The following PHAF1 variants were observed in gnomAD, a reference collection of about 807,000 sequenced individuals.
PHAF1 encodes the protein phagosome assembly factor 1.
A neutral mutation model predicts 63.1 loss-of-function variants in PHAF1; 23 were observed. The ratio of observed to expected loss-of-function variants is 0.36; its 90% CI spans 0.26 to 0.52. The LOEUF is 0.52. Among genes scored for constraint, PHAF1 ranks in the 20% least tolerant of loss-of-function variants. The pLI is 0.93. For missense variants in PHAF1, 427 were observed against 517.2 expected, an observed-to-expected ratio of 0.83 and a Z score of 1.69; for synonymous variants, 167 against 185.0, an observed-to-expected ratio of 0.90 and a Z score of 0.79.
At chr16:67,145,537 A>G (rs1363801654) in intron 13 of PHAF1, 33 bp from the exon 14 acceptor site, 7 of 1,613,736 alleles carry the variant, frequency 4.3e-6, no homozygotes, top group South Asian at 1.1e-5. Context: ...TCATGTCCCT[A>G]CTAACCCCTG....
intron 14 of PHAF1, among the ~76,000 whole-genome samples, chr16:67,145,845 C>T (rs993764490): frequency 1.3e-5 from 2 of 152,236 alleles, no homozygotes; most frequent in African/African-American, 4.8e-5. Flanking sequence ...TAGCTCCCCT[C>T]TCCCAAGCCT....
chr16:67,146,726 A>G (rs2030119400), intron 15 of PHAF1, among the ~76,000 whole-genome samples: 1 of 152,128 alleles, frequency 6.6e-6, no homozygotes, highest in Non-Finnish European at 1.5e-5. Flanking sequence ...TAGGGGAGTG[A>G]GTGGCTCTGG....
intron 3 of PHAF1, among the ~76,000 whole-genome samples, chr16:67,127,035 C>T (rs1393844591): frequency 2.0e-5 from 3 of 151,966 alleles, no homozygotes; most frequent in Non-Finnish European, 2.9e-5. Context: ...ACTACAGGTG[C>T]GTGCCACTAC....
chr16:67,126,755 A>C (rs1471210438), intron 3 of PHAF1, among the ~76,000 whole-genome samples: 1 of 150,624 alleles, frequency 6.6e-6, no homozygotes, highest in Non-Finnish European at 1.5e-5. Flanking sequence ...CGCCCAGCTA[A>C]ATTTTTGTAT....
rs750308105 is a variant in PHAF1 at position 67,117,199 on chromosome 16, A to ATTTTTT, written c.65-2895_65-2890dup. 1.2e-3 allele frequency among the ~76,000 whole-genome samples: 138 copies of ATTTTTT among 111,938 alleles called. 3 individuals are homozygous for ATTTTTT. Among genetic ancestry groups the ATTTTTT allele is most frequent in the African/African-American group, 5.0e-3 (125 of 25,100 alleles). 73.4% of individuals were successfully genotyped at this position (111,938 alleles called of 152,430 possible). On this transcript the variant is annotated intron_variant, in intron 1 of 15. Transcript: ENST00000219139. ...AGGCACACACCACCATGCCCAGCTA[A>ATTTTTT]TTTTTTTTTTTTTTTTTTTTTTTGT...
chr16:67,125,348 A>G (rs530787315), intron 2 of PHAF1, among the ~76,000 whole-genome samples: 1 of 152,276 alleles, frequency 6.6e-6, no homozygotes, highest in African/African-American at 2.4e-5. Flanking sequence ...AGAAGCACAA[A>G]TGAAATGGGA....
At chr16:67,131,262 G>A (rs775366690) in intron 3 of PHAF1, 24 bp from the exon 4 acceptor site, 13 of 1,463,460 alleles carry the variant, frequency 8.9e-6, no homozygotes, top group Non-Finnish European at 3.7e-6. Context: ...TCAGAGCATT[G>A]ACAACTCTTA....
intron 1 of PHAF1, among the ~76,000 whole-genome samples, chr16:67,118,131 T>C (rs866690170): frequency 1.4e-5 from 2 of 138,668 alleles, no homozygotes; most frequent in Admixed American, 7.0e-5. Context: ...TAATTTTTTT[T>C]TTTTTTTTTT....
At position 67,110,181 on chromosome 16, in the gene PHAF1, G is replaced by A. The variant is rs766160306; in HGVS notation, c.6G>A (p.Leu2=). The change falls in exon 1 of 16, where the codon CTG becomes CTA. Residue 2 remains leucine, a synonymous_variant. Transcript: ENST00000219139. M[L]DLEVVPERSL... ...GGGCCAGGCGAGCCGAACCAATGCTGGACCTGGAGGTAGTGCCCGAACGCT... is the reference window on the plus strand; with the variant it reads ...GGGCCAGGCGAGCCGAACCAATGCTAGACCTGGAGGTAGTGCCCGAACGCT... 1.8e-5 allele frequency: 28 copies of A among 1,552,378 alleles called. No homozygotes were observed. The highest frequency in any genetic ancestry group is 2.4e-5 in the Non-Finnish European group (28 of 1,147,602).
intron 13 of PHAF1, 65 bp from the exon 14 acceptor site, chr16:67,145,505 C>T: frequency 6.2e-7 from 1 of 1,611,704 alleles, no homozygotes; most frequent in Non-Finnish European, 8.5e-7. Flanking sequence ...TCCTCTAGGC[C>T]AGCCATTGGT....
chr16:67,140,760 A>G (rs1347262926), intron 10 of PHAF1, among the ~76,000 whole-genome samples, 166 bp downstream of exon 10: 1 of 152,240 alleles, frequency 6.6e-6, no homozygotes, highest in Non-Finnish European at 1.5e-5. Context: ...GGTACTCCAA[A>G]GTAGACCTTG....
At chr16:67,145,045 A>T (rs1354880186) in intron 12 of PHAF1, among the ~76,000 whole-genome samples, 168 bp downstream of exon 12, 3 of 152,014 alleles carry the variant, frequency 2.0e-5, no homozygotes, top group Non-Finnish European at 2.9e-5. Flanking sequence ...TCTTGGTCTG[A>T]GTCTCCTAGA....
intron 3 of PHAF1, among the ~76,000 whole-genome samples, chr16:67,128,355 TGAA>T (rs1270194673): frequency 1.3e-5 from 2 of 152,304 alleles, no homozygotes; most frequent in South Asian, 2.1e-4. Context: ...GGGATCCCCA[TGAA>T]GGAGAGACTG....
At chr16:67,131,031 T>C (rs1307171505) in intron 3 of PHAF1, among the ~76,000 whole-genome samples, 2 of 152,174 alleles carry the variant, frequency 1.3e-5, no homozygotes, top group Non-Finnish European at 2.9e-5. Context: ...GACAGGAGGA[T>C]CATTTGAGCC....
chr16:67,110,818 T>TC (rs375469807), intron 1 of PHAF1, among the ~76,000 whole-genome samples: 1 of 152,198 alleles, frequency 6.6e-6, no homozygotes, highest in Non-Finnish European at 1.5e-5. Context: ...CTCTTTTTTT[T>TC]CTTTTTTTTT....
intron 4 of PHAF1, 125 bp from the exon 5 acceptor site, chr16:67,132,321 G>A: frequency 2.4e-6 from 2 of 835,868 alleles, no homozygotes; most frequent in East Asian, 5.2e-5. Context: ...ATTAAGCTTT[G>A]TATTTTGATA....
Position 67,139,994 on chromosome 16 carries a change from TGG to T in PHAF1, c.673_674del (p.Gly225ProfsTer11). On this transcript the variant is annotated frameshift_variant, in exon 9 of 16. Coordinates refer to ENST00000219139, the MANE Select transcript of PHAF1 (RefSeq NM_025187.5). LOFTEE classifies it high-confidence loss of function. Reference protein sequence around the residue: ...LRLLAAGCGPGLLADAKMRVF... With the variant: ...LRLLAAGCGPXLLADAKMRVF... ...TCTTGTTTTTTGCAGGTTGTGGACC[TGG>T]CCTATTAGCAGATGCCAAGATGCGG... 6.2e-7 allele frequency: 1 copy of T among 1,614,140 alleles called. No homozygotes were observed. The highest frequency in any genetic ancestry group is 8.5e-7 in the Non-Finnish European group (1 of 1,180,004).
rs1047787315 is a variant in PHAF1, at chr16:67,112,404, G to T, written c.64+2165G>T. On this transcript the variant is annotated intron_variant, in intron 1 of 15. Coordinates refer to ENST00000219139, the MANE Select transcript of PHAF1 (RefSeq NM_025187.5). ...ACCAAAAAAAAAAAAAAAAAAAAAA[G>T]CCAGGCCTGTAGTCTTAACTACTCG... is the stretch of plus-strand genomic sequence containing the variant. Among the ~76,000 whole-genome samples, 19 of 127,548 alleles carry T rather than the reference G, an allele frequency of 1.5e-4. No individual in the cohort carries two copies. In the Admixed American group the frequency reaches 1.5e-3, roughly 10 times the overall value. 83.7% of individuals were successfully genotyped at this position (127,548 alleles called of 152,430 possible). A position where few individuals can be genotyped will look rare whatever the true frequency, so the allele number is the denominator to read the frequency against.
rs151014615 is a variant in PHAF1 at position 67,145,308 on chromosome 16, T to C, written c.1007-68T>C. Reference sequence around the variant, plus strand: ...GCAAAGGGACACCAGGTCTGGTTCCTACCTAGGGCTGGGGCCACAGGTAGG... The same window carrying C: ...GCAAAGGGACACCAGGTCTGGTTCCCACCTAGGGCTGGGGCCACAGGTAGG... On this transcript the variant is annotated intron_variant, in intron 12 of 15. Transcript: ENST00000219139. The C allele has an allele frequency of 1.1e-3, 1,790 of 1,574,728 alleles. 15 individuals are homozygous for C. In the African/African-American group the frequency reaches 0.021, roughly 18 times the overall value.
Sources: gnomAD v4.1 joint callset for allele counts (sites outside exome capture counted in the v4.1 genomes callset) on GRCh38, gnomAD v4.1.1 for gene constraint, MANE v1.5 for transcripts, NCBI Gene and HGNC (gene_info 2026-07-23, HGNC 2026-07-21) for gene names.